Variants in STAU1 observed in about 807,000 individuals in gnomAD.
STAU1 encodes double-stranded RNA-binding protein Staufen homolog 1.
Under a neutral mutation model 62.9 loss-of-function variants are expected in STAU1, and 13 were observed. That is an observed-to-expected ratio of 0.21 (90% CI 0.13 to 0.33). The LOEUF is 0.33. STAU1 is among the 10% of genes least tolerant of loss of function. The pLI, the probability that STAU1 is intolerant of heterozygous loss-of-function variation, is 1.00. For missense variants in STAU1, 571 were observed against 712.1 expected, an observed-to-expected ratio of 0.80 and a Z score of 2.25; for synonymous variants, 269 against 265.1, an observed-to-expected ratio of 1.01 and a Z score of -0.14.
intron 6 of STAU1, chr20:49,135,085 T>C (rs2092846851): frequency 2.8e-6 from 3 of 1,062,100 alleles, no homozygotes; most frequent in Admixed American, 1.7e-5. Context: ...ACACAATCTT[T>C]TGCCTTTATT....
At chr20:49,185,890 T>G (rs945672718) in intron 1 of STAU1, among the ~76,000 whole-genome samples, 2 of 152,088 alleles carry the variant, frequency 1.3e-5, no homozygotes, top group African/African-American at 4.8e-5. Context: ...GTTTTGTTTT[T>G]TTGGAGAGAG....
the STAU1 span, among the ~76,000 whole-genome samples, chr20:49,201,400 T>G: frequency 4.6e-5 from 7 of 152,116 alleles, no homozygotes; most frequent in African/African-American, 1.7e-4. Context: ...CCAAAAGAAC[T>G]GCACATTGAC....
At chr20:49,219,165 ACT>A in the STAU1 span, 3 of 574,128 alleles carry the variant, frequency 5.2e-6, no homozygotes, top group African/African-American at 5.7e-5. Context: ...AACTCTTTAG[ACT>A]CTCTCACCCT....
chr20:49,198,878 G>C, the STAU1 span, among the ~76,000 whole-genome samples: 1 of 151,842 alleles, frequency 6.6e-6, no homozygotes, highest in African/African-American at 2.4e-5. Context: ...CAGGAAAATC[G>C]CTTGAACCCA....
chr20:49,149,677 CCT>C (rs2093206420), intron 5 of STAU1, among the ~76,000 whole-genome samples: 1 of 152,224 alleles, frequency 6.6e-6, no homozygotes, highest in South Asian at 2.1e-4. Context: ...ACTAAATCCT[CCT>C]CTTTTAGTTA....
chr20:49,141,187 T>C (rs1206010740), intron 5 of STAU1, among the ~76,000 whole-genome samples: 2 of 152,202 alleles, frequency 1.3e-5, no homozygotes, highest in African/African-American at 4.8e-5. Context: ...TACAACCTAT[T>C]TCAAACATAC....
At chr20:49,173,813 G>C (rs574193907) in intron 2 of STAU1, among the ~76,000 whole-genome samples, 14 of 152,200 alleles carry the variant, frequency 9.2e-5, no homozygotes, top group Admixed American at 8.5e-4. Context: ...AGAAAACAAT[G>C]CTAAATTCGT....
the STAU1 span, among the ~76,000 whole-genome samples, chr20:49,203,333 G>A: frequency 6.6e-6 from 1 of 152,200 alleles, no homozygotes; most frequent in Non-Finnish European, 1.5e-5. Flanking sequence ...GCTAAGGCAG[G>A]AAGATCGCTT....
At chr20:49,165,326 A>C (rs1311226614) in intron 3 of STAU1, among the ~76,000 whole-genome samples, 1 of 151,020 alleles carries the variant, frequency 6.6e-6, no homozygotes, top group African/African-American at 2.4e-5. Context: ...TACAGGCGTG[A>C]GCCACCGCGC....
At chr20:49,187,770 G>C (rs575210824) in intron 1 of STAU1, among the ~76,000 whole-genome samples, 2 of 45,110 alleles carry the variant, frequency 4.4e-5, no homozygotes, top group Non-Finnish European at 8.5e-5. Flanking sequence ...ACCTGAAGCA[G>C]GGACCCCCCC....
Position 49,117,743 on chromosome 20 carries a change from G to A in STAU1, c.1509+34C>T. The A allele has an allele frequency of 6.4e-7, 1 of 1,562,312 alleles. No homozygotes were observed. The highest frequency in any genetic ancestry group is 1.2e-5 in the South Asian group (1 of 85,482). ...AGAAGCCAAAAGATGACTGTCCTGA[G>A]GCACAGCCATCACAGCTCAGGCCAG... On this transcript the variant is annotated intron_variant, in intron 11 of 13. Transcript: ENST00000371856. The surrounding 1 kb of genome is among the most constrained non-coding windows in gnomAD (Gnocchi z 4.6).
chr20:49,186,453 G>A (rs1378655890), intron 1 of STAU1, among the ~76,000 whole-genome samples: 1 of 152,136 alleles, frequency 6.6e-6, no homozygotes, highest in Non-Finnish European at 1.5e-5. Flanking sequence ...CCGCATGTGT[G>A]TTAAGAGATG....
intron 8 of STAU1, among the ~76,000 whole-genome samples, chr20:49,121,209 C>T (rs1478642084): frequency 1.3e-5 from 2 of 152,052 alleles, no homozygotes; most frequent in African/African-American, 4.8e-5. Context: ...GAGTTCGAGA[C>T]CAGTCTGGCC....
intron 4 of STAU1, among the ~76,000 whole-genome samples, chr20:49,153,402 T>TAAAA (rs34795501): frequency 7.7e-6 from 1 of 129,846 alleles, no homozygotes; most frequent in Non-Finnish European, 1.6e-5. Context: ...CTCAATGAAT[T>TAAAA]AAAAAAAAAA....
At chr20:49,213,846 C>T in the STAU1 span, among the ~76,000 whole-genome samples, 11 of 152,304 alleles carry the variant, frequency 7.2e-5, no homozygotes, top group East Asian at 7.7e-4. Flanking sequence ...CTGAAAACCA[C>T]GAAAAGATCA....
the STAU1 span, among the ~76,000 whole-genome samples, chr20:49,201,501 G>C: frequency 3.3e-5 from 5 of 152,210 alleles, no homozygotes; most frequent in South Asian, 2.1e-4. Flanking sequence ...CAGCACTTTG[G>C]GGGGCTGAGG....
chr20:49,155,113 GCCC>G (rs2093337416), intron 3 of STAU1, among the ~76,000 whole-genome samples: 1 of 151,554 alleles, frequency 6.6e-6, no homozygotes, highest in Admixed American at 6.6e-5. Context: ...CACAATTCCT[GCCC>G]CAGAGGAGTT....
At chr20:49,188,397 G>A, upstream of STAU1, 2 of 149,198 alleles carry the variant, frequency 1.3e-5, no homozygotes. Context: ...CCCGCCCCCG[G>A]CCCCCGCCCG....
chr20:49,163,393 T>G (rs2093478481), intron 3 of STAU1, among the ~76,000 whole-genome samples: 1 of 151,462 alleles, frequency 6.6e-6, no homozygotes, highest in South Asian at 2.1e-4. Context: ...CTATAATATT[T>G]TTAGGTATTT....
Sources: allele counts gnomAD v4.1 joint callset (sites outside exome capture counted in the v4.1 genomes callset), GRCh38; gene constraint gnomAD v4.1.1; non-coding constraint Gnocchi (gnomAD v3.1); transcripts MANE v1.5; gene names NCBI Gene and HGNC (gene_info 2026-07-23, HGNC 2026-07-21).